The following FNDC3B variants were observed in gnomAD, a reference collection of about 807,000 sequenced individuals.
FNDC3B encodes the protein fibronectin type III domain-containing protein 3B.
A neutral mutation model predicts 151.5 loss-of-function variants in FNDC3B; 12 were observed. The ratio of observed to expected loss-of-function variants is 0.08; its 90% confidence interval spans 0.05 to 0.13. The LOEUF is 0.13. FNDC3B is among the 10% of genes least tolerant of loss of function. The probability of loss-of-function intolerance (pLI) is 1.00; values close to 1 mark genes in which losing one functional copy is unlikely to be tolerated. For synonymous variants in FNDC3B, 528 were observed against 549.0 expected (o/e 0.96, Z 0.54); for missense variants, 1,214 against 1,505.3 (o/e 0.81, Z 3.20).
intron 3 of FNDC3B, chr3:172,225,651 A>G (rs147619878): frequency 6.3e-6 from 1 of 158,754 alleles, no homozygotes; most frequent in East Asian, 1.7e-4. Context: ...TGGTATGACT[A>G]CTTCTATGAA....
chr3:172,382,900 A>T (rs547745318), intron 25 of FNDC3B, among the ~76,000 whole-genome samples: 1 of 152,116 alleles, frequency 6.6e-6, no homozygotes, highest in Non-Finnish European at 1.5e-5. Flanking sequence ...GTCAGGTAGC[A>T]TGATGCCTCC....
chr3:172,104,422 GT>G (rs1463756349), intron 1 of FNDC3B, among the ~76,000 whole-genome samples: 2 of 146,708 alleles, frequency 1.4e-5, no homozygotes, highest in Non-Finnish European at 1.5e-5. Flanking sequence ...TTTTTCCAAA[GT>G]TTTTTTTAGC....
chr3:172,085,671 C>G (rs1218860046), intron 1 of FNDC3B, among the ~76,000 whole-genome samples: 1 of 152,168 alleles, frequency 6.6e-6, no homozygotes, highest in African/African-American at 2.4e-5. Flanking sequence ...TCTAAGACCT[C>G]TGCTTCTTTG....
intron 6 of FNDC3B, among the ~76,000 whole-genome samples, chr3:172,258,332 C>G (rs1024007998): frequency 6.6e-6 from 1 of 152,030 alleles, no homozygotes; most frequent in Non-Finnish European, 1.5e-5. Flanking sequence ...TTTCAGAGTT[C>G]GCAGATTGCT....
chr3:172,147,199 G>A (rs565466422), intron 3 of FNDC3B, among the ~76,000 whole-genome samples: 3 of 152,004 alleles, frequency 2.0e-5, no homozygotes, highest in Admixed American at 6.6e-5. Flanking sequence ...CCAGCTACTC[G>A]GGAGGCTTGT....
At chr3:172,332,360 C>T (rs1732725955) in intron 13 of FNDC3B, among the ~76,000 whole-genome samples, 2 of 152,298 alleles carry the variant, frequency 1.3e-5, no homozygotes, top group African/African-American at 4.8e-5. Flanking sequence ...AAGCCCTCAC[C>T]AGTTCCACCA....
At chr3:172,120,574 G>C (rs1177835430) in intron 2 of FNDC3B, among the ~76,000 whole-genome samples, 1 of 151,710 alleles carries the variant, frequency 6.6e-6, no homozygotes, top group South Asian at 2.1e-4. Context: ...GCATGGGGGG[G>C]GGTGTGTGTG....
chr3:172,106,412 CAG>C (rs1279776939), intron 1 of FNDC3B, among the ~76,000 whole-genome samples: 1 of 152,206 alleles, frequency 6.6e-6, no homozygotes, highest in African/African-American at 2.4e-5. Flanking sequence ...TAATTAAACT[CAG>C]GGAATCAATT....
At chr3:172,106,595 A>G (rs1719655945) in intron 1 of FNDC3B, among the ~76,000 whole-genome samples, 1 of 152,236 alleles carries the variant, frequency 6.6e-6, no homozygotes, top group Admixed American at 6.5e-5. Context: ...CCTCAGAGTG[A>G]GGACCAGGAC....
chr3:172,152,458 T>C (rs752382498), intron 3 of FNDC3B, among the ~76,000 whole-genome samples: 1 of 152,160 alleles, frequency 6.6e-6, no homozygotes, highest in Admixed American at 6.5e-5. Context: ...TTGCTTCCTG[T>C]CCGTTCTCCA....
intron 23 of FNDC3B, among the ~76,000 whole-genome samples, chr3:172,364,089 G>T (rs1576948421): frequency 6.6e-6 from 1 of 152,300 alleles, no homozygotes; most frequent in African/African-American, 2.4e-5. Flanking sequence ...GGGAGGTAAA[G>T]CTTCTTTTGA....
rs77007689 is a variant in FNDC3B at position 172,235,296 on chromosome 3, A to G, written c.264+8349A>G. On this transcript the variant is annotated intron_variant, in intron 4 of 25. Transcript: ENST00000415807. The stretch of plus-strand genomic sequence containing the variant: ...CCAAGTCAAAGGTACTGCTAATACT[A>G]CTATGATTTGCTGCCTACATTTATA... 7.2e-3 allele frequency among the ~76,000 whole-genome samples: 1,095 copies of G among 152,322 alleles called. 5 individuals carry two copies. Among genetic ancestry groups the G allele is most frequent in the South Asian group, 0.013 (64 of 4,818 alleles).
chr3:172,116,946 T>A (rs1250631435), intron 2 of FNDC3B, among the ~76,000 whole-genome samples: 1 of 152,236 alleles, frequency 6.6e-6, no homozygotes, highest in African/African-American at 2.4e-5. Context: ...AATATTTTAC[T>A]GCATGGATCT....
chr3:172,310,172 G>C (rs1462128171), intron 10 of FNDC3B, among the ~76,000 whole-genome samples: 1 of 152,160 alleles, frequency 6.6e-6, no homozygotes, highest in Admixed American at 6.5e-5. Context: ...TTTCTCCAGA[G>C]TTCTTTACTT....
At chr3:172,258,482 A>G (rs978740562) in intron 6 of FNDC3B, among the ~76,000 whole-genome samples, 2 of 152,128 alleles carry the variant, frequency 1.3e-5, no homozygotes, top group East Asian at 1.9e-4. Flanking sequence ...CTACAGCTTT[A>G]CTTCCCCCAA....
rs185772661 is a variant in FNDC3B at position 172,140,673 on chromosome 3, G to A, written c.187+7127G>A. The stretch of plus-strand genomic sequence containing the variant: ...TATGGAAGGAATGAGAGCAAAGGCT[G>A]TGATTGTACGTGCAACTGTCATCTT... On this transcript the variant is annotated intron_variant, in intron 3 of 25. Transcript: ENST00000415807. 1.4e-4 allele frequency among the ~76,000 whole-genome samples: 22 copies of A among 152,332 alleles called. No individual in the cohort carries two copies. The East Asian group carries it at 2.3e-3, about 16-fold the overall frequency.
At chr3:172,364,631 A>G (rs919575589) in intron 23 of FNDC3B, among the ~76,000 whole-genome samples, 1 of 152,228 alleles carries the variant, frequency 6.6e-6, no homozygotes, top group Admixed American at 6.5e-5. Flanking sequence ...GTTTTCCATG[A>G]CACGGTGGCT....
chr3:172,069,062 CTG>C (rs1717642815), intron 1 of FNDC3B, among the ~76,000 whole-genome samples: 1 of 152,212 alleles, frequency 6.6e-6, no homozygotes, highest in South Asian at 2.1e-4. Flanking sequence ...AAATCTTATT[CTG>C]TGTTACATAT....
chr3:172,277,229 C>G (rs1427449922), intron 6 of FNDC3B, among the ~76,000 whole-genome samples: 1 of 152,132 alleles, frequency 6.6e-6, no homozygotes, highest in African/African-American at 2.4e-5. Context: ...TTTTCTATAG[C>G]AATCTAGGTG....
Sources: gnomAD v4.1 joint callset for allele counts (sites outside exome capture counted in the v4.1 genomes callset) on GRCh38, gnomAD v4.1.1 for gene constraint, MANE v1.5 for transcripts, NCBI Gene and HGNC (gene_info 2026-07-23, HGNC 2026-07-21) for gene names.